The following SMARCA2 variants were observed in gnomAD, a reference collection of about 807,000 sequenced individuals.
The protein encoded by SMARCA2 is SWI/SNF related BAF chromatin remodeling complex subunit ATPase 2, also known as SWI/SNF-related matrix-associated actin-dependent regulator of chromatin subfamily A member 2.
SMARCA2 carries 61 observed loss-of-function variants against 199.8 expected under a neutral mutation model. The observed-to-expected ratio is 0.31, with a 90% CI of 0.25 to 0.38. The LOEUF (loss-of-function observed/expected upper bound fraction) is 0.38. Ranked by LOEUF, SMARCA2 falls within the 10% of genes least tolerant of loss-of-function variation. The pLI is 1.00. For synonymous variants in SMARCA2, 935 were observed against 732.0 expected, an observed-to-expected ratio of 1.28 and a Z score of -4.48; for missense variants, 1,344 against 2,012.2, an observed-to-expected ratio of 0.67 and a Z score of 6.35.
In SMARCA2 at chr9:2,017,278, A is replaced by G. The variant is rs1304853166; in HGVS notation, c.-37+1874A>G. 1 of 151,742 alleles carries G rather than the reference A, an allele frequency of 6.6e-6. No individual in the cohort carries two copies. Among genetic ancestry groups the G allele is most frequent in the East Asian group, 1.9e-4 (1 of 5,138 alleles). The allele number at this position is 151,742 out of a possible 1,614,324, so 9.4% of individuals were successfully genotyped here. A position where few individuals can be genotyped will look rare whatever the true frequency, so the allele number is the denominator to read the frequency against. On this transcript the variant is annotated intron_variant, in intron 1 of 33. Transcript: ENST00000349721. The surrounding 1 kb of genome is among the most constrained non-coding windows in gnomAD (Gnocchi z 8.8). Reference sequence around the variant, plus strand: ...AAGTTGGACGTGGATCAGGCAGGAAAAAAAAAGTTTGGCAGGGCGGCTAAG... The same window carrying G: ...AAGTTGGACGTGGATCAGGCAGGAAGAAAAAAGTTTGGCAGGGCGGCTAAG...
Position 2,193,564 on chromosome 9 carries a change from G to C in SMARCA2, c.*825G>C, listed in dbSNP as rs948504749. 2.0e-5 allele frequency: 3 copies of C among 152,628 alleles called. No individual in the cohort carries two copies. Among genetic ancestry groups the C allele is most frequent in the African/African-American group, 7.2e-5 (3 of 41,432 alleles). 9.5% of individuals were successfully genotyped at this position (152,628 alleles called of 1,614,324 possible). On this transcript the variant is annotated 3_prime_UTR_variant, in exon 34 of 34. Coordinates refer to ENST00000349721, the MANE Select transcript of SMARCA2 (RefSeq NM_003070.5). Reference sequence around the variant, plus strand: ...TAAGCCTGAGGCAAATAAAATTCCAGTAATTTCGAAGAATGTGGTGTTGGT... The same window carrying C: ...TAAGCCTGAGGCAAATAAAATTCCACTAATTTCGAAGAATGTGGTGTTGGT...
intron 4 of SMARCA2, chr9:2,044,902 G>A (rs73379444): frequency 4.6e-5 from 7 of 152,070 alleles, no homozygotes; most frequent in Admixed American, 1.3e-4. Context: ...TGAAGAAGGC[G>A]GTCCATGCAT....
intron 27 of SMARCA2, among the ~76,000 whole-genome samples, chr9:2,133,393 T>A (rs1185423731): frequency 1.3e-5 from 2 of 152,170 alleles, no homozygotes; most frequent in Non-Finnish European, 2.9e-5. Context: ...GCAGTCTTCC[T>A]GCCTCAGCCT....
At chr9:2,066,887 C>G (rs1490874582) in intron 9 of SMARCA2, among the ~76,000 whole-genome samples, 2 of 152,204 alleles carry the variant, frequency 1.3e-5, no homozygotes, top group South Asian at 2.1e-4. Flanking sequence ...AGACCAATCA[C>G]AAACTCTTGG....
chr9:2,069,574 A>G (rs1394696266), intron 9 of SMARCA2, among the ~76,000 whole-genome samples: 1 of 151,790 alleles, frequency 6.6e-6, no homozygotes, highest in Non-Finnish European at 1.5e-5. Flanking sequence ...AAAAAAAAAG[A>G]AATGGTAGAT....
At chr9:2,151,725 T>C (rs939981077) in intron 27 of SMARCA2, among the ~76,000 whole-genome samples, 2 of 151,924 alleles carry the variant, frequency 1.3e-5, no homozygotes, top group Admixed American at 6.5e-5. Context: ...AGAGCAAGAC[T>C]TCGTATCAAA....
chr9:2,172,704 G>A (rs900310640), intron 29 of SMARCA2, among the ~76,000 whole-genome samples: 1 of 152,092 alleles, frequency 6.6e-6, no homozygotes, highest in Admixed American at 6.5e-5. Context: ...TGACTGTTAC[G>A]AGCACTGTTT....
At chr9:2,061,846 C>T (rs1033054310) in intron 9 of SMARCA2, among the ~76,000 whole-genome samples, 1 of 152,210 alleles carries the variant, frequency 6.6e-6, no homozygotes, top group Admixed American at 6.5e-5. Flanking sequence ...CCTGAATCCT[C>T]ATACCTGTCT....
intron 28 of SMARCA2, among the ~76,000 whole-genome samples, chr9:2,162,578 C>G (rs1488779132): frequency 1.3e-5 from 2 of 152,274 alleles, no homozygotes; most frequent in African/African-American, 2.4e-5. Flanking sequence ...AGTAGATGAA[C>G]TAGTTAGGCT....
At position 2,081,739 on chromosome 9, in the gene SMARCA2, A is replaced by G. The variant is rs190807634; in HGVS notation, c.2185-93A>G. On this transcript the variant is annotated intron_variant, in intron 14 of 33. Coordinates refer to ENST00000349721, the MANE Select transcript of SMARCA2 (RefSeq NM_003070.5). ...GTGGGAAACCCAACATACAGCAGTG[A>G]GGAGTTAAGAAGTCACACCCTCACT... 0.011 allele frequency: 11,904 copies of G among 1,072,006 alleles called. 76 individuals carry two copies. The highest frequency in any genetic ancestry group is 0.013 in the Non-Finnish European group (9,636 of 722,196). The allele number at this position is 1,072,006 out of a possible 1,614,324, so 66.4% of individuals were successfully genotyped here. A position where few individuals can be genotyped will look rare whatever the true frequency, so the allele number is the denominator to read the frequency against.
intron 10 of SMARCA2, among the ~76,000 whole-genome samples, chr9:2,071,172 G>A (rs887296944): frequency 6.6e-5 from 10 of 152,182 alleles, no homozygotes; most frequent in Admixed American, 5.2e-4. Context: ...GGATCAGAGT[G>A]GGTGGGAGGT....
chr9:2,075,349 A>G (rs941312790), intron 12 of SMARCA2: 1 of 152,272 alleles, frequency 6.6e-6, no homozygotes, highest in Non-Finnish European at 1.5e-5. Context: ...CCTGCTTTTC[A>G]AGGAAATTCT....
At chr9:2,156,244 A>G (rs1825352225) in intron 27 of SMARCA2, among the ~76,000 whole-genome samples, 2 of 152,270 alleles carry the variant, frequency 1.3e-5, no homozygotes, top group Non-Finnish European at 2.9e-5. Flanking sequence ...AAGGAAAGCT[A>G]GCAAGATTTC....
intron 21 of SMARCA2, among the ~76,000 whole-genome samples, chr9:2,098,947 C>CAAAAAAAAAAA (rs773551875): frequency 1.1e-5 from 1 of 89,060 alleles, no homozygotes; most frequent in Non-Finnish European, 2.3e-5. Flanking sequence ...AACTCGGTCT[C>CAAAAAAAAAAA]AAAAAAAAAA....
At position 2,141,680 on chromosome 9, in the gene SMARCA2, C is replaced by A. The variant is rs1318104714; in HGVS notation, c.3981+17743C>A. ...CCCATTTCTCTGGCCTATTTTTATT[C>A]ACTATGTAGTTGTGTGGCCCTCCCT... On this transcript the variant is annotated intron_variant, in intron 27 of 33. Coordinates refer to ENST00000349721, the MANE Select transcript of SMARCA2 (RefSeq NM_003070.5). Among the ~76,000 whole-genome samples, 11 of 152,128 alleles carry A rather than the reference C, an allele frequency of 7.2e-5. 2 individuals are homozygous for A.
At chr9:2,160,551 CTT>C (rs1225760064) in intron 27 of SMARCA2, 2 of 698,484 alleles carry the variant, frequency 2.9e-6, no homozygotes, top group Admixed American at 2.0e-5. Flanking sequence ...TGTAATCACT[CTT>C]TATATTGATT....
chr9:2,117,386 A>G (rs1163057396), intron 25 of SMARCA2, among the ~76,000 whole-genome samples: 1 of 152,178 alleles, frequency 6.6e-6, no homozygotes, highest in Admixed American at 6.5e-5. Flanking sequence ...CTCACTATCC[A>G]CACACATTTG....
chr9:2,079,937 C>T (rs1821492459), intron 14 of SMARCA2: 1 of 152,206 alleles, frequency 6.6e-6, no homozygotes, highest in Admixed American at 6.5e-5. Flanking sequence ...AGTTTTATGC[C>T]TCTGTGTTGC....
At chr9:2,126,770 C>T (rs780205559) in intron 27 of SMARCA2, among the ~76,000 whole-genome samples, 3 of 152,244 alleles carry the variant, frequency 2.0e-5, no homozygotes, top group African/African-American at 7.2e-5. Flanking sequence ...CCATCCCTTG[C>T]TTAAATCACA....
Sources: allele counts gnomAD v4.1 joint callset (sites outside exome capture counted in the v4.1 genomes callset), GRCh38; gene constraint gnomAD v4.1.1; non-coding constraint Gnocchi (gnomAD v3.1); transcripts MANE v1.5; gene names NCBI Gene and HGNC (gene_info 2026-07-23, HGNC 2026-07-21).